KCTD1: variants seen among roughly 807,000 people sequenced by gnomAD.
KCTD1 encodes BTB/POZ domain-containing protein KCTD1.
KCTD1 carries 24 observed loss-of-function variants against 66.0 expected under a neutral mutation model. The observed-to-expected ratio is 0.36, with a 90% CI of 0.26 to 0.51. The LOEUF (loss-of-function observed/expected upper bound fraction) is 0.51. KCTD1 is among the 20% of genes least tolerant of loss of function. The pLI, the probability that KCTD1 is intolerant of heterozygous loss-of-function variation, is 0.95. For missense variants in KCTD1, 943 were observed against 1,205.2 expected (o/e 0.78, Z 3.22); for synonymous variants, 511 against 517.2 (o/e 0.99, Z 0.16).
intron 1 of KCTD1, among the ~76,000 whole-genome samples, chr18:26,612,964 C>T (rs924224077): frequency 6.6e-6 from 1 of 152,140 alleles, no homozygotes; most frequent in African/African-American, 2.4e-5. Flanking sequence ...GAAGTCCTCA[C>T]TCATTTGATT....
At chr18:26,522,538 T>C (rs572983851) in intron 1 of KCTD1, among the ~76,000 whole-genome samples, 1 of 152,298 alleles carries the variant, frequency 6.6e-6, no homozygotes, top group South Asian at 2.1e-4. Flanking sequence ...TTTGTTATGG[T>C]GGTCCTAGGA....
chr18:26,647,339 C>CA (rs541220380), intron 1 of KCTD1, among the ~76,000 whole-genome samples: 7 of 149,394 alleles, frequency 4.7e-5, no homozygotes, highest in African/African-American at 1.5e-4. Context: ...AAACCCCCCC[C>CA]CCATCTCTAC....
At chr18:26,510,564 G>A (rs951652408) in intron 1 of KCTD1, among the ~76,000 whole-genome samples, 6 of 151,536 alleles carry the variant, frequency 4.0e-5, no homozygotes, top group African/African-American at 1.5e-4. Context: ...ATGCCTTTTT[G>A]TTTTTTTTCT....
intron 1 of KCTD1, among the ~76,000 whole-genome samples, chr18:26,502,849 G>A (rs1302471935): frequency 1.3e-5 from 2 of 152,202 alleles, no homozygotes; most frequent in African/African-American, 4.8e-5. Flanking sequence ...GACCACAAAG[G>A]GGAAGTCATC....
intron 1 of KCTD1, chr18:26,575,482 T>G (rs528530471): frequency 1.5e-4 from 23 of 152,256 alleles, no homozygotes; most frequent in African/African-American, 5.5e-4. Context: ...TTCCTCTCTC[T>G]GTCTCTCCAG....
At position 26,621,204 on chromosome 18, in the gene KCTD1, TTTTAC is replaced by T. The variant is rs376703969; in HGVS notation, c.-16+7938_-16+7942del. On this transcript the variant is annotated intron_variant, in intron 1 of 4. Transcript: ENST00000317932. ...GGGGATTTAGGGTACATGTTTATCTTTTTACTTTTCTTTTTAAATATAAGGGTGCT... is the reference window on the plus strand; with the variant it reads ...GGGGATTTAGGGTACATGTTTATCTTTTTTCTTTTTAAATATAAGGGTGCT... 1.4e-3 allele frequency among the ~76,000 whole-genome samples: 220 copies of T among 152,184 alleles called. 1 individual carries two copies. The highest frequency in any genetic ancestry group is 4.9e-3 in the African/African-American group (203 of 41,530).
chr18:26,651,325 G>A (rs1465212227), intron 1 of KCTD1, among the ~76,000 whole-genome samples: 1 of 152,202 alleles, frequency 6.6e-6, no homozygotes, highest in Non-Finnish European at 1.5e-5. Context: ...GGGGCTAATG[G>A]CAGGGTTTTG....
At chr18:26,631,181 T>G (rs2145042677), upstream of KCTD1, among the ~76,000 whole-genome samples, 1 of 152,338 alleles carries the variant, frequency 6.6e-6, no homozygotes, top group African/African-American at 2.4e-5. Flanking sequence ...TAGGGCTTAT[T>G]CCAGGAATGC....
At chr18:26,656,032 A>G (rs1598987590) in intron 1 of KCTD1, among the ~76,000 whole-genome samples, 1 of 150,104 alleles carries the variant, frequency 6.7e-6, no homozygotes, top group African/African-American at 2.4e-5. Flanking sequence ...GGGTGGCGGG[A>G]GTGGGTAGGG....
intron 2 of KCTD1, among the ~76,000 whole-genome samples, chr18:26,479,377 C>T (rs1434519291): frequency 2.0e-5 from 3 of 152,114 alleles, no homozygotes; most frequent in East Asian, 1.9e-4. Context: ...AAGGCCCAGG[C>T]CCTGTCTCGG....
intron 1 of KCTD1, among the ~76,000 whole-genome samples, chr18:26,555,147 C>G (rs1026056250): frequency 6.6e-6 from 1 of 152,172 alleles, no homozygotes; most frequent in Non-Finnish European, 1.5e-5. Flanking sequence ...GGAAGAACTA[C>G]TTACAATGGT....
At chr18:26,644,022 C>T (rs975548606), upstream of KCTD1, among the ~76,000 whole-genome samples, 5 of 152,236 alleles carry the variant, frequency 3.3e-5, no homozygotes, top group African/African-American at 1.2e-4. Context: ...GATCAGCTTA[C>T]ACATCACCTC....
At chr18:26,488,990 C>A (rs997880933) in intron 2 of KCTD1, among the ~76,000 whole-genome samples, 1 of 152,190 alleles carries the variant, frequency 6.6e-6, no homozygotes, top group Non-Finnish European at 1.5e-5. Context: ...CAGGTGCCTA[C>A]TGTTGAAATA....
chr18:26,562,900 A>G (rs1217657623), intron 1 of KCTD1, among the ~76,000 whole-genome samples: 1 of 152,066 alleles, frequency 6.6e-6, no homozygotes, highest in African/African-American at 2.4e-5. Flanking sequence ...TTTAACCTTA[A>G]TTACCTCTTT....
upstream of KCTD1, chr18:26,549,851 G>A (rs1403393539): frequency 5.1e-6 from 5 of 972,010 alleles, no homozygotes; most frequent in East Asian, 3.4e-4. Context: ...TTTCCCATAG[G>A]AGACACTGCC....
At chr18:26,599,585 G>C (rs1261838658) in intron 1 of KCTD1, 4 of 1,509,350 alleles carry the variant, frequency 2.7e-6, no homozygotes, top group Non-Finnish European at 3.7e-6. Context: ...ATCCAGCTTT[G>C]ACATTATTTT....
chr18:26,635,448 C>T (rs776984916), intron 1 of KCTD1, among the ~76,000 whole-genome samples: 2 of 152,238 alleles, frequency 1.3e-5, no homozygotes, highest in Admixed American at 6.5e-5. Flanking sequence ...CGTGCTCCTG[C>T]GCGCTTGGCG....
intron 2 of KCTD1, among the ~76,000 whole-genome samples, chr18:26,489,057 C>T (rs995664482): frequency 1.3e-5 from 2 of 152,180 alleles, no homozygotes; most frequent in African/African-American, 4.8e-5. Flanking sequence ...ATCCCCTGCT[C>T]GGACCAGGAC....
chr18:26,566,220 A>G (rs1206679584), intron 1 of KCTD1: 1 of 152,172 alleles, frequency 6.6e-6, no homozygotes, highest in African/African-American at 2.4e-5. Context: ...GGCATTTTAA[A>G]CCATTTTCTT....
Sources: gnomAD v4.1 joint callset for allele counts (sites outside exome capture counted in the v4.1 genomes callset) on GRCh38, gnomAD v4.1.1 for gene constraint, MANE v1.5 for transcripts, NCBI Gene and HGNC (gene_info 2026-07-23, HGNC 2026-07-21) for gene names.